CTBP2: variants seen among roughly 807,000 people sequenced by gnomAD.
CTBP2 encodes C-terminal binding protein 2, also known as C-terminal-binding protein 2.
CTBP2 carries 30 observed loss-of-function variants against 80.3 expected under a neutral mutation model. The ratio of observed to expected loss-of-function variants is 0.37; its 90% CI spans 0.28 to 0.51. CTBP2 has a LOEUF of 0.51. Among genes scored for constraint, CTBP2 ranks in the 20% least tolerant of loss-of-function variants. The pLI is 0.93. For missense variants in CTBP2, 1,212 were observed against 1,375.3 expected (o/e 0.88, Z 1.88); for synonymous variants, 594 against 587.4 (o/e 1.01, Z -0.16).
intron 2 of CTBP2, among the ~76,000 whole-genome samples, chr10:125,050,521 C>T (rs930760032): frequency 2.4e-4 from 37 of 152,186 alleles, no homozygotes; most frequent in East Asian, 5.8e-4. Flanking sequence ...AAAGGGAGAG[C>T]GGGCGTCTCG....
intron 2 of CTBP2, among the ~76,000 whole-genome samples, chr10:125,075,467 C>T (rs1010238354): frequency 6.6e-6 from 1 of 152,174 alleles, no homozygotes; most frequent in Admixed American, 6.5e-5. Context: ...GGGAATGACA[C>T]ACCAAGAAGA....
At chr10:125,096,193 C>T (rs547325542) in intron 2 of CTBP2, among the ~76,000 whole-genome samples, 216 of 152,272 alleles carry the variant, frequency 1.4e-3, no homozygotes, top group African/African-American at 5.0e-3. Flanking sequence ...CAACAAAATC[C>T]GAGTACTCAA....
chr10:125,097,891 T>C (rs1395650701), intron 2 of CTBP2, among the ~76,000 whole-genome samples: 1 of 151,966 alleles, frequency 6.6e-6, no homozygotes, highest in African/African-American at 2.4e-5. Context: ...CCAAGGCAGG[T>C]GGATCATGCA....
chr10:125,128,449 T>C (rs1855620020), intron 1 of CTBP2, among the ~76,000 whole-genome samples: 1 of 152,124 alleles, frequency 6.6e-6, no homozygotes, highest in Non-Finnish European at 1.5e-5. Flanking sequence ...ACAAGAATTG[T>C]TCAGAATAGC....
intron 1 of CTBP2, among the ~76,000 whole-genome samples, chr10:125,154,684 A>G (rs1860610909): frequency 1.3e-5 from 2 of 152,164 alleles, no homozygotes; most frequent in South Asian, 2.1e-4. Context: ...GACACCAACA[A>G]TGGTTAATGA....
intron 3 of CTBP2, among the ~76,000 whole-genome samples, chr10:125,038,322 C>T (rs1305843622): frequency 1.3e-5 from 2 of 152,034 alleles, no homozygotes; most frequent in African/African-American, 4.8e-5. Flanking sequence ...CCCTGTAGGG[C>T]AGTACCAGCA....
chr10:125,035,529 C>T (rs1476041472), intron 3 of CTBP2, among the ~76,000 whole-genome samples: 2 of 152,090 alleles, frequency 1.3e-5, no homozygotes, highest in Admixed American at 6.5e-5. Context: ...TCGCAACAGC[C>T]GCAGGAAAGG....
intron 1 of CTBP2, among the ~76,000 whole-genome samples, chr10:125,116,513 G>A (rs919115088): frequency 3.9e-5 from 6 of 152,194 alleles, no homozygotes; most frequent in South Asian, 4.1e-4. Flanking sequence ...CTAAAAGTGG[G>A]ACCCACAGAA....
At chr10:125,140,408 AAAG>A (rs1233876981) in intron 1 of CTBP2, among the ~76,000 whole-genome samples, 1 of 152,138 alleles carries the variant, frequency 6.6e-6, no homozygotes, top group Non-Finnish European at 1.5e-5. Flanking sequence ...GGAAGGGGAC[AAAG>A]AATGAGCTCC....
rs1467416577 is a variant in CTBP2 at position 125,003,637 on chromosome 10, C to T, written c.1679-145G>A. 1.0e-5 allele frequency: 6 copies of T among 581,980 alleles called. No homozygotes were observed. In the East Asian group the frequency reaches 1.3e-4, roughly 13 times the overall value. The allele number at this position is 581,980 out of a possible 1,614,324, so 36.1% of individuals were successfully genotyped here. A position where few individuals can be genotyped will look rare whatever the true frequency, so the allele number is the denominator to read the frequency against. ...GCGAGGGCACCGCCTCCACCTGCATCACCTTCCAGGGAGCCACTGACACGA... is the reference window on the plus strand; with the variant it reads ...GCGAGGGCACCGCCTCCACCTGCATTACCTTCCAGGGAGCCACTGACACGA... On this transcript the variant is annotated intron_variant, in intron 1 of 8. Coordinates refer to ENST00000309035, the MANE Select transcript of CTBP2 (RefSeq NM_022802.3).
intron 1 of CTBP2, 38 bp from the exon 4 acceptor site, chr10:125,003,530 G>T: frequency 6.7e-7 from 1 of 1,501,306 alleles, no homozygotes; most frequent in Non-Finnish European, 8.9e-7. Context: ...TGGGTGGGTG[G>T]CTGGGGCCAC....
At chr10:125,159,340 C>G (rs1298310033) in intron 1 of CTBP2, among the ~76,000 whole-genome samples, 3 of 147,866 alleles carry the variant, frequency 2.0e-5, no homozygotes, top group African/African-American at 4.9e-5. Context: ...GCCGGGCTCC[C>G]GGCGGCGGCG....
Position 125,060,298 on chromosome 10 carries a change from C to T in CTBP2, c.-101-21143G>A, listed in dbSNP as rs144523015. Among the ~76,000 whole-genome samples, 43 of 152,320 alleles carry T rather than the reference C, an allele frequency of 2.8e-4. No homozygotes were observed. In the East Asian group the frequency reaches 7.7e-3, roughly 27 times the overall value. ...GGTTACTCTGACTTCACTCTTCACA[C>T]GACAAATGATCATAGCATACTATTT... On this transcript the variant is annotated intron_variant, in intron 2 of 10. Transcript: ENST00000337195.
chr10:125,022,240 AGTGGCC>A lies in CTBP2; in HGVS notation c.1678+3836_1678+3841del, dbSNP rs1182988451. On this transcript the variant is annotated intron_variant, in intron 1 of 8. Transcript: ENST00000309035. ...GTAGGGACGCTCTTCCAAGCATAGG[AGTGGCC>A]AAGAAGCCCTGGAGCTCCAGGTGCT... Among the ~76,000 whole-genome samples the A allele has an allele frequency of 3.6e-3, 554 of 152,302 alleles. 1 individual carries two copies. The highest frequency in any genetic ancestry group is 0.011 in the African/African-American group (461 of 41,564).
upstream of CTBP2, among the ~76,000 whole-genome samples, chr10:125,029,096 T>C (rs762648997): frequency 1.6e-4 from 25 of 152,172 alleles, no homozygotes; most frequent in Non-Finnish European, 3.7e-4. Context: ...GCTGTATACA[T>C]TGAAAGCACT....
chr10:125,051,051 G>C (rs1393530697), intron 2 of CTBP2, among the ~76,000 whole-genome samples: 1 of 152,222 alleles, frequency 6.6e-6, no homozygotes, highest in East Asian at 1.9e-4. Flanking sequence ...AATCCCACTG[G>C]AGAATTCTTG....
chr10:125,139,085 C>T (rs1857389463), intron 1 of CTBP2, among the ~76,000 whole-genome samples: 1 of 152,128 alleles, frequency 6.6e-6, no homozygotes, highest in African/African-American at 2.4e-5. Context: ...ACAGTAGATA[C>T]TATTAGCCAG....
intron 3 of CTBP2, among the ~76,000 whole-genome samples, chr10:125,001,929 C>T (rs1338528877): frequency 3.3e-5 from 5 of 152,068 alleles, no homozygotes; most frequent in African/African-American, 9.7e-5. Flanking sequence ...CGGTGGTGCC[C>T]GAGAGCAGGA....
At chr10:125,080,287 A>T (rs1374061764) in intron 2 of CTBP2, among the ~76,000 whole-genome samples, 2 of 143,172 alleles carry the variant, frequency 1.4e-5, no homozygotes, top group Non-Finnish European at 3.1e-5. Context: ...GATTAGGGGT[A>T]AAAAAAAAAC....
Sources: allele counts gnomAD v4.1 joint callset (sites outside exome capture counted in the v4.1 genomes callset), GRCh38; gene constraint gnomAD v4.1.1; transcripts MANE v1.5; gene names NCBI Gene and HGNC (gene_info 2026-07-23, HGNC 2026-07-21).